The following ARID5B variants were observed in gnomAD, a reference collection of about 807,000 sequenced individuals.
ARID5B encodes AT-rich interaction domain 5B, also known as AT-rich interactive domain-containing protein 5B.
In ARID5B, 13 loss-of-function variants were observed where a neutral mutation model predicts 97.2. That is an observed-to-expected ratio of 0.13 (90% CI 0.09 to 0.21). The LOEUF (loss-of-function observed/expected upper bound fraction) is 0.21. Among genes scored for constraint, ARID5B ranks in the 10% least tolerant of loss-of-function variants. The pLI is 1.00. For missense variants in ARID5B, 1,210 were observed against 1,465.3 expected, an observed-to-expected ratio of 0.83 and a Z score of 2.84; for synonymous variants, 556 against 570.3, an observed-to-expected ratio of 0.97 and a Z score of 0.36.
intron 3 of ARID5B, among the ~76,000 whole-genome samples, chr10:61,996,422 G>T (rs1483048434): frequency 2.0e-5 from 3 of 152,146 alleles, no homozygotes; most frequent in African/African-American, 7.2e-5. Flanking sequence ...GGAGTTCAAA[G>T]ATTGGGTTAT....
chr10:62,003,155 G>C (rs866008907), intron 4 of ARID5B, among the ~76,000 whole-genome samples: 1 of 152,146 alleles, frequency 6.6e-6, no homozygotes, highest in African/African-American at 2.4e-5. Context: ...TGGAGTAGGG[G>C]GTGGGAGGAG....
At chr10:62,067,172 G>A (rs1190309027) in intron 7 of ARID5B, among the ~76,000 whole-genome samples, 1 of 151,832 alleles carries the variant, frequency 6.6e-6, no homozygotes, top group Admixed American at 6.6e-5. Context: ...CGCAACCTCT[G>A]CCTCCCGGTT....
rs990119259 is a variant in ARID5B, at chr10:62,000,265, G to A, written c.677G>A (p.Arg226Gln). The change falls in exon 4 of 10, where the codon CGG becomes CAG. Residue 226 changes from arginine (R) to glutamine (Q), a missense_variant. By Grantham distance (43) the Arg-to-Gln change is conservative (BLOSUM62 1). Coordinates refer to ENST00000279873, the MANE Select transcript of ARID5B (RefSeq NM_032199.3). The surrounding 1 kb of genome is among the most constrained non-coding windows in gnomAD (Gnocchi z 4.4). Reference protein sequence around the residue: ...VSRNPQILYCRDTFDHPTLIE... With the variant: ...VSRNPQILYCQDTFDHPTLIE... ...AGGAACCCTCAGATCCTGTACTGTC[G>A]GGACACCTTTGACCACCCGACTCTC... The A allele has an allele frequency of 1.2e-6, 2 of 1,613,564 alleles. No homozygotes were observed. The highest frequency in any genetic ancestry group is 1.3e-5 in the African/African-American group (1 of 74,870).
intron 3 of ARID5B, among the ~76,000 whole-genome samples, chr10:61,979,151 A>G (rs189762247): frequency 6.6e-6 from 1 of 152,270 alleles, no homozygotes; most frequent in East Asian, 1.9e-4. Flanking sequence ...GAGGTGCTGC[A>G]CCCAAACCTC....
chr10:62,045,248 T>A (rs2132923302), intron 4 of ARID5B, among the ~76,000 whole-genome samples: 1 of 152,342 alleles, frequency 6.6e-6, no homozygotes, highest in East Asian at 1.9e-4. Flanking sequence ...CCTTCTGCCA[T>A]TCTTGGTTTC....
chr10:61,994,333 G>A lies in ARID5B; in HGVS notation c.503-5758G>A, dbSNP rs559459005. On this transcript the variant is annotated intron_variant, in intron 3 of 9. Transcript: ENST00000279873. ...GTAAGCATAATAGTGTGATGTTTCC[G>A]AAACAAGCCTCCCCTCACCCCAAGA... Among the ~76,000 whole-genome samples the A allele has an allele frequency of 5.3e-5, 8 of 152,048 alleles. No individual in the cohort carries two copies. In the South Asian group the frequency reaches 6.2e-4, roughly 12 times the overall value.
At chr10:62,004,016 T>A (rs1404978811) in intron 4 of ARID5B, among the ~76,000 whole-genome samples, 1 of 152,222 alleles carries the variant, frequency 6.6e-6, no homozygotes, top group Non-Finnish European at 1.5e-5. Flanking sequence ...ATAGAATAGA[T>A]GAAATTTCAT....
chr10:61,930,059 G>C (rs1844176911), intron 2 of ARID5B, among the ~76,000 whole-genome samples: 1 of 152,212 alleles, frequency 6.6e-6, no homozygotes, highest in African/African-American at 2.4e-5. Flanking sequence ...GTACAATGTA[G>C]TCATGGGCTT....
chr10:61,945,760 G>A (rs139381191), intron 3 of ARID5B, among the ~76,000 whole-genome samples: 15 of 152,048 alleles, frequency 9.9e-5, no homozygotes, highest in African/African-American at 3.6e-4. Flanking sequence ...AGTCTAAAGT[G>A]GTATTATTAG....
At chr10:62,057,685 A>G (rs1839874374) in intron 6 of ARID5B, among the ~76,000 whole-genome samples, 1 of 152,214 alleles carries the variant, frequency 6.6e-6, no homozygotes, top group African/African-American at 2.4e-5. Context: ...TGAAAAAAAC[A>G]GCTTTTAAAA....
intron 3 of ARID5B, among the ~76,000 whole-genome samples, chr10:61,966,009 GT>G (rs1279362753): frequency 4.6e-5 from 7 of 152,084 alleles, no homozygotes; most frequent in African/African-American, 1.7e-4. Context: ...CTTTTAAAAT[GT>G]TTTTCCCCAT....
At position 62,083,753 on chromosome 10, in the gene ARID5B, T is replaced by A. The variant is rs1840246359; in HGVS notation, c.1200-1949T>A. On this transcript the variant is annotated intron_variant, in intron 8 of 9. Transcript: ENST00000279873. ...AGTCAATTTAAAATATCTTTCCAGT[T>A]TAAAATATTCAATGCATTTTGCTCC... Among the ~76,000 whole-genome samples the A allele has an allele frequency of 2.0e-5, 3 of 152,204 alleles. No homozygotes were observed. The South Asian group carries it at 6.2e-4, about 31-fold the overall frequency.
chr10:61,987,860 A>C (rs1415096382), intron 3 of ARID5B, among the ~76,000 whole-genome samples: 1 of 152,214 alleles, frequency 6.6e-6, no homozygotes, highest in Admixed American at 6.5e-5. Context: ...CAGAACTATC[A>C]CTGGAATTAA....
At chr10:62,022,937 C>T (rs969954041) in intron 4 of ARID5B, among the ~76,000 whole-genome samples, 4 of 152,328 alleles carry the variant, frequency 2.6e-5, no homozygotes, top group Middle Eastern at 3.4e-3. Context: ...CCCGTGTTAA[C>T]GAACTTCCCA....
rs543105897 is a variant in ARID5B, at chr10:62,093,125, C to A, written c.*95C>A. On this transcript the variant is annotated 3_prime_UTR_variant, in exon 10 of 10. Transcript: ENST00000279873. ...CTTATAGAGTTAGAAGTCAGTATTT[C>A]TTCTAATCTGAGGCTATGATCAGTC... 17 of 1,490,852 alleles carry A rather than the reference C, an allele frequency of 1.1e-5. No individual in the cohort carries two copies. The highest frequency in any genetic ancestry group is 1.5e-5 in the Non-Finnish European group (17 of 1,123,810). 92.4% of individuals were successfully genotyped at this position (1,490,852 alleles called of 1,614,324 possible). A position where few individuals can be genotyped will look rare whatever the true frequency, so the allele number is the denominator to read the frequency against.
At chr10:62,005,874 G>A (rs542420417) in intron 4 of ARID5B, among the ~76,000 whole-genome samples, 25 of 152,224 alleles carry the variant, frequency 1.6e-4, no homozygotes, top group East Asian at 1.9e-4. Context: ...TTTCCTTGCC[G>A]AAGTAGGTTT....
At chr10:62,034,113 T>G (rs1839531305) in intron 4 of ARID5B, among the ~76,000 whole-genome samples, 1 of 152,246 alleles carries the variant, frequency 6.6e-6, no homozygotes, top group African/African-American at 2.4e-5. Context: ...GTCGTCCTTT[T>G]CTGGTGAAGA....
Position 62,069,806 on chromosome 10 carries a change from C to T in ARID5B, c.1199+9C>T, listed in dbSNP as rs774753540. ...CGCAGACATTATGAAAGGTAAGAAACCATTTCATGGAATTGCTTAGTTAAA... is the reference window on the plus strand; with the variant it reads ...CGCAGACATTATGAAAGGTAAGAAATCATTTCATGGAATTGCTTAGTTAAA... On this transcript the variant is annotated intron_variant, in intron 8 of 9. Coordinates refer to ENST00000279873, the MANE Select transcript of ARID5B (RefSeq NM_032199.3). 1.9e-6 allele frequency: 3 copies of T among 1,612,238 alleles called. No homozygotes were observed. The highest frequency in any genetic ancestry group is 2.5e-6 in the Non-Finnish European group (3 of 1,178,366).
At chr10:62,035,973 C>T (rs1447572785) in intron 4 of ARID5B, among the ~76,000 whole-genome samples, 4 of 150,082 alleles carry the variant, frequency 2.7e-5, no homozygotes, top group African/African-American at 4.9e-5. Flanking sequence ...TACAGGCGCC[C>T]GCCACCATGC....
Sources: allele counts gnomAD v4.1 joint callset (sites outside exome capture counted in the v4.1 genomes callset), GRCh38; gene constraint gnomAD v4.1.1; non-coding constraint Gnocchi (gnomAD v3.1); transcripts MANE v1.5; gene names NCBI Gene and HGNC (gene_info 2026-07-23, HGNC 2026-07-21).